RERE: variants seen among roughly 807,000 people sequenced by gnomAD.
The protein encoded by RERE is arginine-glutamic acid dipeptide repeats protein.
Under a neutral mutation model 146.1 loss-of-function variants are expected in RERE, and 40 were observed. The observed-to-expected ratio is 0.27, with a 90% CI of 0.21 to 0.36. The LOEUF is 0.36. RERE is among the 10% of genes least tolerant of loss of function. RERE has a pLI of 1.00. For missense variants in RERE, 1,933 were observed against 2,138.7 expected (o/e 0.90, Z 1.90); for synonymous variants, 1,003 against 866.0 (o/e 1.16, Z -2.78).
chr1:8,652,268 G>A (rs771460217), intron 2 of RERE, among the ~76,000 whole-genome samples: 1 of 152,154 alleles, frequency 6.6e-6, no homozygotes, highest in Non-Finnish European at 1.5e-5. Context: ...AACCATGTGT[G>A]GCCTTTATAG....
chr1:8,529,121 C>T (rs1645606148), intron 7 of RERE, among the ~76,000 whole-genome samples: 1 of 152,066 alleles, frequency 6.6e-6, no homozygotes, highest in African/African-American at 2.4e-5. Flanking sequence ...TGGCAAAATA[C>T]TAACAACTGG....
chr1:8,718,602 G>A (rs1464784062), intron 1 of RERE, among the ~76,000 whole-genome samples: 1 of 152,156 alleles, frequency 6.6e-6, no homozygotes, highest in African/African-American at 2.4e-5. Flanking sequence ...ATTTTAAATG[G>A]TAGGTGACTC....
intron 1 of RERE, among the ~76,000 whole-genome samples, chr1:8,728,155 T>C (rs1640009671): frequency 6.6e-6 from 1 of 152,234 alleles, no homozygotes; most frequent in Non-Finnish European, 1.5e-5. Flanking sequence ...TGAGAAGCCA[T>C]GACAACCAAG....
chr1:8,702,018 A>G (rs774738638), intron 1 of RERE, among the ~76,000 whole-genome samples: 20 of 152,066 alleles, frequency 1.3e-4, no homozygotes, highest in Middle Eastern at 6.8e-3. Context: ...TATTGTTCCC[A>G]TCTGTAAGGT....
At chr1:8,724,653 A>G (rs776997406) in intron 1 of RERE, among the ~76,000 whole-genome samples, 1 of 151,534 alleles carries the variant, frequency 6.6e-6, no homozygotes, top group Non-Finnish European at 1.5e-5. Context: ...AAGACCAGCG[A>G]CCCCGTCGCT....
At chr1:8,430,540 T>C (rs879312860) in intron 11 of RERE, among the ~76,000 whole-genome samples, 5 of 152,208 alleles carry the variant, frequency 3.3e-5, no homozygotes, top group African/African-American at 4.8e-5. Flanking sequence ...TAGCTCAGAC[T>C]TGTACCTACA....
At chr1:8,586,292 T>C (rs538495140) in intron 4 of RERE, among the ~76,000 whole-genome samples, 1 of 152,320 alleles carries the variant, frequency 6.6e-6, no homozygotes, top group East Asian at 1.9e-4. Flanking sequence ...TAATGGAATA[T>C]AATTACTGTA....
intron 4 of RERE, among the ~76,000 whole-genome samples, chr1:8,609,687 A>G (rs1646767830): frequency 6.6e-6 from 1 of 152,252 alleles, no homozygotes; most frequent in Non-Finnish European, 1.5e-5. Context: ...ACAAGTAGGT[A>G]ACAAACGTAA....
chr1:8,634,849 C>T lies in RERE; in HGVS notation c.326-10469G>A, dbSNP rs552831516. On this transcript the variant is annotated intron_variant, in intron 2 of 22. Coordinates refer to ENST00000400908, the MANE Select transcript of RERE (RefSeq NM_001042681.2). ...CTCCCAGGTTCAAGCCATTCTCCTA[C>T]CTCAGCCTCATGAGTAGCTGGGACT... is the stretch of plus-strand genomic sequence containing the variant. Among the ~76,000 whole-genome samples, 28 of 152,288 alleles carry T rather than the reference C, an allele frequency of 1.8e-4. 1 individual carries two copies. The South Asian group carries it at 5.6e-3, about 30-fold the overall frequency.
intron 4 of RERE, among the ~76,000 whole-genome samples, chr1:8,575,260 T>C (rs1055906724): frequency 7.9e-5 from 12 of 152,192 alleles, no homozygotes; most frequent in African/African-American, 2.9e-4. Flanking sequence ...CCAGAAATCG[T>C]GCATCCTTGC....
chr1:8,700,450 G>C (rs1417434822), intron 1 of RERE, among the ~76,000 whole-genome samples: 1 of 151,558 alleles, frequency 6.6e-6, no homozygotes, highest in Non-Finnish European at 1.5e-5. Context: ...AGCCTGAAAA[G>C]CCTGAAAAGA....
At chr1:8,814,458 C>G (rs775213379) in intron 1 of RERE, among the ~76,000 whole-genome samples, 1 of 152,224 alleles carries the variant, frequency 6.6e-6, no homozygotes, top group Non-Finnish European at 1.5e-5. Context: ...TTTTCTCTGG[C>G]TTCCAATTTT....
chr1:8,547,376 T>C (rs1357377878), intron 6 of RERE, among the ~76,000 whole-genome samples: 1 of 149,720 alleles, frequency 6.7e-6, no homozygotes, highest in African/African-American at 2.4e-5. Context: ...TTTCTAACTA[T>C]GACTCAAAAT....
chr1:8,675,754 CAT>C (rs1638827287), intron 1 of RERE, among the ~76,000 whole-genome samples: 1 of 150,226 alleles, frequency 6.7e-6, no homozygotes, highest in Non-Finnish European at 1.5e-5. Context: ...TACATACATA[CAT>C]ACATACATAC....
chr1:8,634,900 TA>T (rs1647078330), intron 2 of RERE, among the ~76,000 whole-genome samples: 1 of 152,132 alleles, frequency 6.6e-6, no homozygotes, highest in African/African-American at 2.4e-5. Context: ...CACGCCCGGC[TA>T]ATTTTTTGTA....
rs1183121884 is a variant in RERE at position 8,557,519 on chromosome 1, T to C, written c.527A>G (p.Lys176Arg). The C allele has an allele frequency of 1.2e-6, 2 of 1,606,816 alleles. No individual in the cohort carries two copies. The highest frequency in any genetic ancestry group is 8.5e-7 in the Non-Finnish European group (1 of 1,173,374). Residue 176 changes from lysine (K) to arginine (R), a missense_variant, in exon 5 of 23, where the codon AAG becomes AGG. Physicochemically the swap from Lys to Arg is conservative, Grantham distance 26. Transcript: ENST00000400908. ...SEAGRGPVGS[K>R]RDHLLMNVKW... The stretch of plus-strand genomic sequence containing the variant: ...GACGTTCATGAGGAGATGGTCCCTC[T>C]TACTCTGAAAAGGAAAATCTAACAG...
chr1:8,612,891 C>T (rs1462109982), intron 4 of RERE, among the ~76,000 whole-genome samples: 3 of 152,198 alleles, frequency 2.0e-5, no homozygotes, highest in Non-Finnish European at 4.4e-5. Context: ...TTTATCTATA[C>T]TACACTGGGT....
intron 1 of RERE, among the ~76,000 whole-genome samples, chr1:8,780,950 G>A (rs548598363): frequency 1.7e-3 from 254 of 152,132 alleles, no homozygotes; most frequent in African/African-American, 5.8e-3. Flanking sequence ...GGCCAGGCGC[G>A]GTAGCTCATG....
chr1:8,401,709 G>A (rs1044822627), intron 12 of RERE, among the ~76,000 whole-genome samples: 29 of 151,288 alleles, frequency 1.9e-4, no homozygotes, highest in African/African-American at 7.0e-4. Flanking sequence ...GCAGTGAGCC[G>A]TGATGTACCA....
Sources: allele counts gnomAD v4.1 joint callset (sites outside exome capture counted in the v4.1 genomes callset), GRCh38; gene constraint gnomAD v4.1.1; transcripts MANE v1.5; gene names NCBI Gene and HGNC (gene_info 2026-07-23, HGNC 2026-07-21).